Variants in SEC11A observed in about 807,000 individuals in gnomAD.
The protein encoded by SEC11A is SEC11 homolog A, signal peptidase complex subunit, also known as signal peptidase complex catalytic subunit SEC11A.
Under a neutral mutation model 25.6 loss-of-function variants are expected in SEC11A, and 14 were observed. The observed-to-expected ratio is 0.55, with a 90% confidence interval of 0.36 to 0.85. The LOEUF (loss-of-function observed/expected upper bound fraction) is 0.85. Among genes scored for constraint, SEC11A ranks in the 40% least tolerant of loss-of-function variants. SEC11A has a pLI of 0.01. For missense variants in SEC11A, 153 were observed against 222.9 expected (o/e 0.69, Z 2.00); for synonymous variants, 83 against 76.4 (o/e 1.09, Z -0.45).
chr15:84,691,366 G>T (rs1897601340), intron 2 of SEC11A, among the ~76,000 whole-genome samples, 169 bp downstream of exon 2: 1 of 152,062 alleles, frequency 6.6e-6, no homozygotes, highest in Admixed American at 6.6e-5. Flanking sequence ...AAGCCACCGT[G>T]CCCAGCCTGA....
chr15:84,711,069 C>CAA (rs201268033), intron 1 of SEC11A, among the ~76,000 whole-genome samples: 3 of 116,566 alleles, frequency 2.6e-5, no homozygotes, highest in Admixed American at 1.8e-4. Flanking sequence ...GACTCCATCT[C>CAA]AAAAAAAAAA....
intron 4 of SEC11A, among the ~76,000 whole-genome samples, chr15:84,675,915 A>G (rs1291602686): frequency 6.6e-6 from 1 of 152,252 alleles, no homozygotes; most frequent in Non-Finnish European, 1.5e-5. Flanking sequence ...TACGCATTGT[A>G]TGATTCTGCT....
At chr15:84,687,591 A>G (rs1309888176) in intron 3 of SEC11A, 34 bp downstream of exon 3, 1 of 1,506,966 alleles carries the variant, frequency 6.6e-7, no homozygotes, top group Non-Finnish European at 8.8e-7. Context: ...AAACAAAAGC[A>G]CTTAGAAACA....
intron 3 of SEC11A, among the ~76,000 whole-genome samples, chr15:84,683,175 G>A (rs1482593540): frequency 3.9e-5 from 6 of 152,174 alleles, no homozygotes; most frequent in Non-Finnish European, 8.8e-5. Flanking sequence ...AAAGAGGACA[G>A]GTGCTAGGAG....
At chr15:84,695,892 A>T (rs7171167) in intron 1 of SEC11A, among the ~76,000 whole-genome samples, 75,161 of 151,996 alleles carry the variant, frequency 0.49, 18,982 homozygotes, top group East Asian at 0.81. Context: ...TTTCTGATAT[A>T]CATACTTCAT....
At chr15:84,701,791 C>T (rs1230583174) in intron 1 of SEC11A, among the ~76,000 whole-genome samples, 10 of 152,034 alleles carry the variant, frequency 6.6e-5, no homozygotes, top group Admixed American at 5.2e-4. Context: ...AGATTTTGGC[C>T]GGGCACAGTG....
intron 1 of SEC11A, among the ~76,000 whole-genome samples, chr15:84,697,208 G>C (rs1897793317): frequency 6.6e-6 from 1 of 152,104 alleles, no homozygotes. Flanking sequence ...GCTGTAGTGA[G>C]CTGTGACAGC....
At chr15:84,683,006 A>T (rs1006331032) in intron 3 of SEC11A, among the ~76,000 whole-genome samples, 1 of 152,168 alleles carries the variant, frequency 6.6e-6, no homozygotes, top group Non-Finnish European at 1.5e-5. Flanking sequence ...TCTGCAGAGG[A>T]AACTAAATTG....
chr15:84,679,499 G>A (rs1271853962), intron 4 of SEC11A, among the ~76,000 whole-genome samples: 4 of 152,130 alleles, frequency 2.6e-5, no homozygotes, highest in Non-Finnish European at 2.9e-5. Flanking sequence ...CCTTCTCTAT[G>A]GGAACTGCGT....
At chr15:84,682,266 A>G (rs1897300967) in intron 3 of SEC11A, among the ~76,000 whole-genome samples, 2 of 151,498 alleles carry the variant, frequency 1.3e-5, no homozygotes, top group Admixed American at 1.3e-4. Context: ...AGACCAATGG[A>G]TAAACAGACC....
At chr15:84,710,494 G>A (rs112189499) in intron 1 of SEC11A, among the ~76,000 whole-genome samples, 9,387 of 151,938 alleles carry the variant, frequency 0.062, 375 homozygotes, top group African/African-American at 0.086. Context: ...AAAATTAGCC[G>A]GGAGTGGTGG....
In SEC11A at chr15:84,680,767, T is replaced by C. The variant is rs1331240699; in HGVS notation, c.377A>G (p.Tyr126Cys). ...CTCTAGCCAATGTTGTCCTTGTTTATAGAGGCCTCGGTCATCAACCGCATT... is the reference window on the plus strand; with the variant it reads ...CTCTAGCCAATGTTGTCCTTGTTTACAGAGGCCTCGGTCATCAACCGCATT... ...DNNAVDDRGL[Y>C]KQGQHWLEKK... Residue 126 changes from tyrosine (Y) to cysteine (C), a missense_variant, in exon 4 of 6, where the codon TAT (tyrosine) becomes TGT (cysteine). Physicochemically the swap from Tyr to Cys is radical, Grantham distance 194. Coordinates refer to ENST00000268220, the MANE Select transcript of SEC11A (RefSeq NM_014300.4). 1.9e-6 allele frequency: 3 copies of C among 1,613,028 alleles called. No individual in the cohort carries two copies. The highest frequency in any genetic ancestry group is 2.5e-6 in the Non-Finnish European group (3 of 1,179,178).
intron 4 of SEC11A, 99 bp from the exon 5 acceptor site, chr15:84,670,881 T>C (rs1316390782): frequency 1.8e-6 from 1 of 549,558 alleles, no homozygotes; most frequent in East Asian, 3.3e-5. Flanking sequence ...AATACTAATT[T>C]TCAATTCACA....
chr15:84,689,854 C>T (rs1897550846), intron 2 of SEC11A, among the ~76,000 whole-genome samples: 1 of 152,094 alleles, frequency 6.6e-6, no homozygotes, highest in South Asian at 2.1e-4. Context: ...GTGATCTGCC[C>T]GCCTTGGCCT....
chr15:84,709,204 T>TG (rs1280587887), intron 1 of SEC11A, among the ~76,000 whole-genome samples: 1 of 152,104 alleles, frequency 6.6e-6, no homozygotes, highest in African/African-American at 2.4e-5. Context: ...ATCTTTTTTT[T>TG]TTGTTTTAAG....
chr15:84,675,988 G>A (rs1488971342), intron 4 of SEC11A, among the ~76,000 whole-genome samples: 1 of 152,176 alleles, frequency 6.6e-6, no homozygotes, highest in Non-Finnish European at 1.5e-5. Flanking sequence ...GGCTGTCCGA[G>A]GCTACAGGAA....
Position 84,670,014 on chromosome 15 carries a change from G to A in SEC11A, c.*5C>T. 1 of 1,613,538 alleles carries A rather than the reference G, an allele frequency of 6.2e-7. No individual in the cohort carries two copies. The highest frequency in any genetic ancestry group is 1.1e-5 in the South Asian group (1 of 90,984). On this transcript the variant is annotated 3_prime_UTR_variant, in exon 6 of 6. Coordinates refer to ENST00000268220, the MANE Select transcript of SEC11A (RefSeq NM_014300.4). Reference sequence around the variant, plus strand: ...CATCTTCCCAGGAACAGCAAGGCAGGCTTCTTACTCACGATGAACCAGCAC... The same window carrying A: ...CATCTTCCCAGGAACAGCAAGGCAGACTTCTTACTCACGATGAACCAGCAC...
chr15:84,702,289 C>T (rs1216300370), intron 1 of SEC11A, among the ~76,000 whole-genome samples: 5 of 151,126 alleles, frequency 3.3e-5, no homozygotes, highest in African/African-American at 4.9e-5. Flanking sequence ...GGTGAAACCC[C>T]ATCTCTACTA....
At chr15:84,680,006 A>C in intron 4 of SEC11A, 1 of 1,318,118 alleles carries the variant, frequency 7.6e-7, no homozygotes, top group African/African-American at 1.5e-5. Flanking sequence ...TTTTAATTTC[A>C]TTCAACCTCA....
Sources: allele counts gnomAD v4.1 joint callset (sites outside exome capture counted in the v4.1 genomes callset), GRCh38; gene constraint gnomAD v4.1.1; transcripts MANE v1.5; gene names NCBI Gene and HGNC (gene_info 2026-07-23, HGNC 2026-07-21).